Variants in RARB observed in about 807,000 individuals in gnomAD.
The protein encoded by RARB is HBV-activated protein.
RARB carries 17 observed loss-of-function variants against 51.9 expected under a neutral mutation model. The ratio of observed to expected loss-of-function variants is 0.33; its 90% CI spans 0.22 to 0.49. The LOEUF is 0.49. Ranked by LOEUF, RARB falls within the 20% of genes least tolerant of loss-of-function variation. The pLI, the probability that RARB is intolerant of heterozygous loss-of-function variation, is 0.99. For missense variants in RARB, 369 were observed against 550.8 expected, an observed-to-expected ratio of 0.67 and a Z score of 3.30; for synonymous variants, 215 against 195.4, an observed-to-expected ratio of 1.10 and a Z score of -0.84.
intron 3 of RARB, among the ~76,000 whole-genome samples, chr3:25,515,330 G>A (rs1338057986): frequency 3.3e-5 from 5 of 152,304 alleles, no homozygotes; most frequent in East Asian, 1.9e-4. Context: ...GCTTGTGGAA[G>A]TATAAATCAA....
chr3:25,303,135 C>A (rs1704079704), intron 5 of RARB, among the ~76,000 whole-genome samples: 1 of 152,126 alleles, frequency 6.6e-6, no homozygotes, highest in Admixed American at 6.6e-5. Context: ...ATACAGACAA[C>A]CTCTTGACAT....
chr3:25,394,155 C>T (rs1375524651), intron 5 of RARB, among the ~76,000 whole-genome samples: 1 of 151,968 alleles, frequency 6.6e-6, no homozygotes, highest in Non-Finnish European at 1.5e-5. Flanking sequence ...CATTGTTGAC[C>T]CAGTGACCAT....
chr3:24,841,789 G>A (rs1702424558), intron 1 of RARB, among the ~76,000 whole-genome samples: 1 of 152,136 alleles, frequency 6.6e-6, no homozygotes, highest in Admixed American at 6.5e-5. Context: ...AATAATAGAT[G>A]TGCAAGGTTT....
chr3:24,974,948 A>T (rs1696479899), intron 2 of RARB, among the ~76,000 whole-genome samples: 1 of 152,180 alleles, frequency 6.6e-6, no homozygotes, highest in African/African-American at 2.4e-5. Context: ...TTTTAGAGCC[A>T]CACTGGCCAA....
rs562262449 is a variant in RARB, at chr3:25,596,940, G to C, written c.*324G>C. 124 of 214,036 alleles carry C rather than the reference G, an allele frequency of 5.8e-4. No individual in the cohort carries two copies. Among genetic ancestry groups the C allele is most frequent in the African/African-American group, 2.6e-3 (115 of 43,986 alleles). The allele number at this position is 214,036 out of a possible 1,614,324, so 13.3% of individuals were successfully genotyped here. A position where few individuals can be genotyped will look rare whatever the true frequency, so the allele number is the denominator to read the frequency against. On this transcript the variant is annotated 3_prime_UTR_variant, in exon 8 of 8. Coordinates refer to ENST00000330688, the MANE Select transcript of RARB (RefSeq NM_000965.5). Reference sequence around the variant, plus strand: ...ATTTACCCCTGGTTAAGTTTCTGAAGACTTTGTACATACAGAAGTATGGCT... The same window carrying C: ...ATTTACCCCTGGTTAAGTTTCTGAACACTTTGTACATACAGAAGTATGGCT...
rs142635968 is a variant in RARB at position 25,538,349 on chromosome 3, G to A, written c.449-31409G>A. ...TATCAAAAGGAAAGGGATTGACTTG[G>A]TAATGCGGGCTCCTTTTTTTTGCTA... On this transcript the variant is annotated intron_variant, in intron 3 of 7. Transcript: ENST00000330688. Among the ~76,000 whole-genome samples the A allele has an allele frequency of 2.5e-3, 385 of 152,246 alleles. 1 individual carries two copies. The highest frequency in any genetic ancestry group is 8.7e-3 in the African/African-American group (360 of 41,560).
chr3:25,436,220 G>A (rs1238487938), intron 1 of RARB, among the ~76,000 whole-genome samples: 2 of 152,132 alleles, frequency 1.3e-5, no homozygotes, highest in Non-Finnish European at 2.9e-5. Flanking sequence ...AATTCAGAGA[G>A]CTTTTTTTCC....
intron 2 of RARB, among the ~76,000 whole-genome samples, chr3:24,941,601 C>T (rs930292795): frequency 6.6e-6 from 1 of 152,120 alleles, no homozygotes; most frequent in Admixed American, 6.5e-5. Flanking sequence ...AACTCCTTAC[C>T]TTGTGATCCG....
At chr3:25,391,519 A>C (rs941190242) in intron 5 of RARB, among the ~76,000 whole-genome samples, 9 of 152,182 alleles carry the variant, frequency 5.9e-5, no homozygotes, top group African/African-American at 2.2e-4. Context: ...ATAGCAGTGC[A>C]AAAGTGTTCC....
At position 24,870,807 on chromosome 3, in the gene RARB, G is replaced by A. The variant is rs116376493; in HGVS notation, c.-380+12055G>A. On this transcript the variant is annotated intron_variant, in intron 2 of 11. Coordinates refer to the RARB transcript ENST00000383772. ...GGATGCGTGCAATGTTTCTATATAG[G>A]CATACAATGTGTGATAATCACATTG... is the stretch of plus-strand genomic sequence containing the variant. 7.4e-3 allele frequency among the ~76,000 whole-genome samples: 1,124 copies of A among 152,072 alleles called. 12 individuals carry two copies. The highest frequency in any genetic ancestry group is 0.026 in the African/African-American group (1,072 of 41,482).
At chr3:24,895,556 G>GC (rs11376602) in intron 2 of RARB, among the ~76,000 whole-genome samples, 10,429 of 150,554 alleles carry the variant, frequency 0.069, 847 homozygotes, top group East Asian at 0.19. Context: ...CAAAATTTAC[G>GC]CTTTTTTTTT....
At chr3:24,917,956 T>C (rs1362580479) in intron 2 of RARB, among the ~76,000 whole-genome samples, 1 of 152,212 alleles carries the variant, frequency 6.6e-6, no homozygotes, top group African/African-American at 2.4e-5. Context: ...CTGATGGAAA[T>C]GCAAAGTGGT....
intron 4 of RARB, among the ~76,000 whole-genome samples, chr3:25,140,343 G>A (rs1360087412): frequency 6.6e-6 from 1 of 152,140 alleles, no homozygotes; most frequent in Non-Finnish European, 1.5e-5. Context: ...ATTTTGGCAG[G>A]AATTTGGAAG....
intron 5 of RARB, among the ~76,000 whole-genome samples, chr3:25,260,351 A>C (rs1480143271): frequency 6.6e-6 from 1 of 152,278 alleles, no homozygotes; most frequent in East Asian, 1.9e-4. Flanking sequence ...AGAATTCCTA[A>C]AAGAGAACTG....
At chr3:25,095,917 A>G (rs1183591008) in intron 3 of RARB, among the ~76,000 whole-genome samples, 2 of 152,104 alleles carry the variant, frequency 1.3e-5, no homozygotes, top group Non-Finnish European at 2.9e-5. Flanking sequence ...TTAAATCTAC[A>G]TCTTCCAAAC....
intron 3 of RARB, among the ~76,000 whole-genome samples, chr3:25,116,277 C>T (rs1372836726): frequency 1.3e-5 from 2 of 152,122 alleles, no homozygotes; most frequent in East Asian, 1.9e-4. Flanking sequence ...TCACTAGTTT[C>T]GAAATGCTCT....
rs549523790 is a variant in RARB at position 24,997,355 on chromosome 3, G to C, written c.-379-62770G>C. 6.6e-5 allele frequency among the ~76,000 whole-genome samples: 10 copies of C among 151,562 alleles called. 1 individual carries two copies. The South Asian group carries it at 1.9e-3, about 29-fold the overall frequency. ...CTTTCAGCACATGTGTGTCTTTACA[G>C]GTGATGTTGGCGGCCTCAAGTTGGG... is the stretch of plus-strand genomic sequence containing the variant. On this transcript the variant is annotated intron_variant, in intron 2 of 11. Transcript: ENST00000383772.
intron 5 of RARB, among the ~76,000 whole-genome samples, chr3:25,220,882 T>C (rs1343278249): frequency 2.0e-5 from 3 of 152,226 alleles, no homozygotes; most frequent in Non-Finnish European, 4.4e-5. Context: ...TGGTCTTTCA[T>C]GGTCTTGGCT....
chr3:25,396,224 T>G (rs1290536566), intron 5 of RARB, among the ~76,000 whole-genome samples: 1 of 152,232 alleles, frequency 6.6e-6, no homozygotes, highest in Non-Finnish European at 1.5e-5. Flanking sequence ...TCTTCAGGCC[T>G]CTCAGCCATG....
Sources: gnomAD v4.1 joint callset for allele counts (sites outside exome capture counted in the v4.1 genomes callset) on GRCh38, gnomAD v4.1.1 for gene constraint, MANE v1.5 for transcripts, NCBI Gene and HGNC (gene_info 2026-07-23, HGNC 2026-07-21) for gene names.